Variants in BRSK2 observed in about 807,000 individuals in gnomAD.
BRSK2 encodes serine/threonine-protein kinase BRSK2.
In BRSK2, 19 loss-of-function variants were observed where a neutral mutation model predicts 83.3. The observed-to-expected ratio is 0.23, with a 90% CI of 0.16 to 0.33. The LOEUF is 0.33. Ranked by LOEUF, BRSK2 falls within the 10% of genes least tolerant of loss-of-function variation. The probability of loss-of-function intolerance (pLI) is 1.00; values close to 1 mark genes in which losing one functional copy is unlikely to be tolerated. For synonymous variants in BRSK2, 519 were observed against 435.4 expected (o/e 1.19, Z -2.39); for missense variants, 798 against 1,042.3 (o/e 0.77, Z 3.23).
intron 1 of BRSK2, among the ~76,000 whole-genome samples, chr11:1,405,951 C>G (rs1846845425): frequency 6.6e-6 from 1 of 152,272 alleles, no homozygotes; most frequent in East Asian, 1.9e-4. Flanking sequence ...CTGTGCCATT[C>G]CATCCCCAGC....
chr11:1,422,323 G>A (rs184471201), intron 1 of BRSK2, among the ~76,000 whole-genome samples: 2 of 152,090 alleles, frequency 1.3e-5, no homozygotes, highest in Non-Finnish European at 2.9e-5. Flanking sequence ...TCCTCCAGCC[G>A]CTCCTCCACC....
At chr11:1,433,296 C>A (rs1327831227) in intron 1 of BRSK2, among the ~76,000 whole-genome samples, 1 of 152,258 alleles carries the variant, frequency 6.6e-6, no homozygotes. Context: ...CCCTTGGGGG[C>A]TTTGACCACA....
chr11:1,420,250 C>T (rs569080134), intron 1 of BRSK2, among the ~76,000 whole-genome samples: 24 of 152,340 alleles, frequency 1.6e-4, no homozygotes, highest in African/African-American at 5.8e-4. Context: ...ACAGGGCCGG[C>T]CCCTGCTCTG....
chr11:1,447,904 A>G lies in BRSK2; in HGVS notation c.1227-1872A>G, dbSNP rs1282343568. The G allele has an allele frequency of 2.6e-6, 4 of 1,552,620 alleles. No homozygotes were observed. The African/African-American group carries it at 4.1e-5, about 16-fold the overall frequency. Reference sequence around the variant, plus strand: ...ACCCGTCCCCGCACCTCCCAGCCCCAGACACGCTGTCCTGCCTCAGGCCGG... The same window carrying G: ...ACCCGTCCCCGCACCTCCCAGCCCCGGACACGCTGTCCTGCCTCAGGCCGG... On this transcript the variant is annotated intron_variant, in intron 12 of 19. Transcript: ENST00000528841.
At chr11:1,392,077 CGT>C (rs377501044) in intron 1 of BRSK2, among the ~76,000 whole-genome samples, 29 of 152,296 alleles carry the variant, frequency 1.9e-4, no homozygotes, top group African/African-American at 7.0e-4. Context: ...AGAGCGCAAG[CGT>C]GTCACCGGGA....
intron 1 of BRSK2, among the ~76,000 whole-genome samples, chr11:1,395,375 C>A (rs546276375): frequency 1.3e-5 from 2 of 152,196 alleles, no homozygotes; most frequent in African/African-American, 2.4e-5. Context: ...TGTCGCTGGG[C>A]GCCATGTCAG....
intron 1 of BRSK2, among the ~76,000 whole-genome samples, chr11:1,395,334 C>T (rs1013524980): frequency 6.6e-6 from 1 of 152,202 alleles, no homozygotes; most frequent in African/African-American, 2.4e-5. Flanking sequence ...GTCTCCCTGG[C>T]CCCCTGAAGT....
intron 12 of BRSK2, among the ~76,000 whole-genome samples, chr11:1,448,689 C>T (rs2133166680): frequency 6.6e-6 from 1 of 152,364 alleles, no homozygotes; most frequent in Non-Finnish European, 1.5e-5. Flanking sequence ...GCCCTGAAAG[C>T]TCTGGGTCCA....
intron 1 of BRSK2, among the ~76,000 whole-genome samples, chr11:1,428,776 A>G (rs1335526940): frequency 6.6e-6 from 1 of 151,946 alleles, no homozygotes; most frequent in Non-Finnish European, 1.5e-5. Context: ...GTGTGTGTGC[A>G]CTGCGGGTGT....
At chr11:1,453,628 C>T (rs1013933260) in intron 15 of BRSK2, among the ~76,000 whole-genome samples, 5 of 152,300 alleles carry the variant, frequency 3.3e-5, no homozygotes, top group African/African-American at 7.2e-5. Context: ...ACTCCCAGGC[C>T]GCACAGTGGC....
chr11:1,446,169 C>CCTGGGCTGGG (rs376046232), intron 12 of BRSK2, among the ~76,000 whole-genome samples: 1 of 117,900 alleles, frequency 8.5e-6, no homozygotes, highest in South Asian at 2.9e-4. Context: ...GCTGGGCTGG[C>CCTGGGCTGGG]CTGGGCTGGG....
chr11:1,452,193 G>C (rs1845889731), intron 15 of BRSK2, among the ~76,000 whole-genome samples: 2 of 152,198 alleles, frequency 1.3e-5, no homozygotes, highest in Admixed American at 1.3e-4. Flanking sequence ...CCTTCGTCCT[G>C]CTGCTGGCTT....
chr11:1,456,688 G>A lies in BRSK2; in HGVS notation c.1939+1G>A. On this transcript the variant is annotated splice_donor_variant, in intron 18 of 19. Transcript: ENST00000528841. LOFTEE classifies it high-confidence loss of function. The stretch of plus-strand genomic sequence containing the variant: ...CCGCCTGCGGCCCAGCACTTGTCAG[G>A]TGAGGCGGGCTCAGCTCCGGCCAAC... 1 of 1,594,344 alleles carries A rather than the reference G, an allele frequency of 6.3e-7. No homozygotes were observed.
In BRSK2 at chr11:1,460,781, CCCGCCCT is replaced by C. The variant is rs1168122517; in HGVS notation, c.*59_*65del. On this transcript the variant is annotated 3_prime_UTR_variant, in exon 20 of 20. Coordinates refer to ENST00000528841, the MANE Select transcript of BRSK2 (RefSeq NM_001256627.2). Reference sequence around the variant, plus strand: ...ACAGCGGCTGCCTCGCCGCCCGCCGCCCGCCCTGCCCCGAGTGGACCCGCGGCCGCGC... The same window carrying C: ...ACAGCGGCTGCCTCGCCGCCCGCCGCGCCCCGAGTGGACCCGCGGCCGCGC... 9.8e-6 allele frequency: 14 copies of C among 1,434,940 alleles called. No homozygotes were observed. The highest frequency in any genetic ancestry group is 6.1e-5 in the Admixed American group (2 of 32,738). 88.9% of individuals were successfully genotyped at this position (1,434,940 alleles called of 1,614,324 possible). A position where few individuals can be genotyped will look rare whatever the true frequency, so the allele number is the denominator to read the frequency against.
intron 1 of BRSK2, among the ~76,000 whole-genome samples, chr11:1,422,016 G>A (rs1416196669): frequency 6.6e-6 from 1 of 152,154 alleles, no homozygotes; most frequent in Non-Finnish European, 1.5e-5. Context: ...AGGGGGTCTA[G>A]CCTGAGGTTG....
intron 4 of BRSK2, 100 bp from the exon 5 acceptor site, chr11:1,442,390 C>T (rs1851462207): frequency 3.6e-6 from 3 of 828,180 alleles, no homozygotes; most frequent in Non-Finnish European, 2.0e-6. Context: ...GTGTGATTGG[C>T]GTTTGGAGAG....
intron 16 of BRSK2, among the ~76,000 whole-genome samples, chr11:1,455,939 C>T (rs1414146234): frequency 1.3e-5 from 2 of 152,124 alleles, no homozygotes; most frequent in Non-Finnish European, 2.9e-5. Context: ...AGCCCCAGCC[C>T]CGCCCTTGCA....
chr11:1,442,433 G>A lies in BRSK2; in HGVS notation c.414-57G>A, dbSNP rs1023538165. ...GCTCTGGGCAGGGGGTCTCCAGGGCGGGGAGGCGCTCAAGGCAGAGACTGG... is the reference window on the plus strand; with the variant it reads ...GCTCTGGGCAGGGGGTCTCCAGGGCAGGGAGGCGCTCAAGGCAGAGACTGG... On this transcript the variant is annotated intron_variant, in intron 4 of 19. Transcript: ENST00000528841. 41 of 1,399,936 alleles carry A rather than the reference G, an allele frequency of 2.9e-5. No individual in the cohort carries two copies. The Middle Eastern group carries it at 5.3e-4, about 18-fold the overall frequency. The allele number at this position is 1,399,936 out of a possible 1,614,324, so 86.7% of individuals were successfully genotyped here. A position where few individuals can be genotyped will look rare whatever the true frequency, so the allele number is the denominator to read the frequency against.
In BRSK2 at chr11:1,460,846, G is replaced by C; in HGVS notation, c.*123G>C. The C allele has an allele frequency of 6.5e-7, 1 of 1,548,288 alleles. No homozygotes were observed. Among genetic ancestry groups the C allele is most frequent in the South Asian group, 1.2e-5 (1 of 84,810 alleles). ...CCGTCCAGACTGTTCTCAGAGCCTG[G>C]GAGGAAAGGAAAGGGGCGTTGGGGC... On this transcript the variant is annotated 3_prime_UTR_variant, in exon 20 of 20. Transcript: ENST00000528841.
Sources: allele counts gnomAD v4.1 joint callset (sites outside exome capture counted in the v4.1 genomes callset), GRCh38; gene constraint gnomAD v4.1.1; transcripts MANE v1.5; gene names NCBI Gene and HGNC (gene_info 2026-07-23, HGNC 2026-07-21).